TMEM232: variants seen among roughly 807,000 people sequenced by gnomAD.
TMEM232 encodes the protein transmembrane protein 232.
In TMEM232, 80 loss-of-function variants were observed where a neutral mutation model predicts 78.8. The observed-to-expected ratio is 1.01, with a 90% CI of 0.85 to 1.22. The LOEUF is 1.22. Ranked by LOEUF, TMEM232 falls within the 50% of genes most tolerant of loss-of-function variation. TMEM232 has a pLI of 0.00. For missense variants in TMEM232, 881 were observed against 742.2 expected, an observed-to-expected ratio of 1.19 and a Z score of -2.17; for synonymous variants, 297 against 254.3, an observed-to-expected ratio of 1.17 and a Z score of -1.60.
At chr5:110,460,020 G>C (rs1236999814) in intron 12 of TMEM232, among the ~76,000 whole-genome samples, 1 of 152,100 alleles carries the variant, frequency 6.6e-6, no homozygotes, top group Admixed American at 6.6e-5. Flanking sequence ...TGAGACAAAG[G>C]TGACATGACA....
chr5:110,736,525 T>G (rs1411396825), intron 1 of TMEM232, among the ~76,000 whole-genome samples: 10 of 152,204 alleles, frequency 6.6e-5, no homozygotes. Context: ...TGTACATGTT[T>G]TAAATTGAAC....
At chr5:110,587,681 ATATATATATATGTGTGTGTGTGTG>A (rs761375379) in intron 10 of TMEM232, among the ~76,000 whole-genome samples, 8,246 of 105,592 alleles carry the variant, frequency 0.078, 376 homozygotes, top group South Asian at 0.21. Context: ...ATATATATAT[ATATATATATATGTGTGTGTGTGTG>A]TGTGTGTGTG....
intron 8 of TMEM232, among the ~76,000 whole-genome samples, chr5:110,614,133 T>C (rs748682759): frequency 1.4e-4 from 21 of 152,120 alleles, no homozygotes; most frequent in Non-Finnish European, 2.6e-4. Context: ...TGAGCAGTCA[T>C]TGTATTTTTC....
intron 1 of TMEM232, among the ~76,000 whole-genome samples, chr5:110,687,235 T>C (rs1793528820): frequency 6.6e-6 from 1 of 152,180 alleles, no homozygotes; most frequent in Non-Finnish European, 1.5e-5. Context: ...CACTTTATGT[T>C]ATTTTAATGT....
At chr5:110,607,163 T>C (rs1330279599) in intron 8 of TMEM232, among the ~76,000 whole-genome samples, 1 of 152,008 alleles carries the variant, frequency 6.6e-6, no homozygotes, top group Admixed American at 6.6e-5. Context: ...TTTACAGAGG[T>C]CAATGTGCTT....
At chr5:110,659,690 G>A (rs148622946) in intron 2 of TMEM232, among the ~76,000 whole-genome samples, 2,063 of 152,142 alleles carry the variant, frequency 0.014, 20 homozygotes, top group Middle Eastern at 0.038. Context: ...CCCACCACAT[G>A]CTTAAAAAGA....
At chr5:110,729,305 G>T (rs1439253030), upstream of TMEM232, among the ~76,000 whole-genome samples, 1 of 152,098 alleles carries the variant, frequency 6.6e-6, no homozygotes, top group Non-Finnish European at 1.5e-5. Flanking sequence ...CTCTTCCTCT[G>T]TCTGAAAATA....
At chr5:110,492,351 A>T (rs1480719045) in intron 12 of TMEM232, among the ~76,000 whole-genome samples, 1 of 152,024 alleles carries the variant, frequency 6.6e-6, no homozygotes, top group Admixed American at 6.6e-5. Context: ...ACAATTAGGA[A>T]AATAAAACAT....
At chr5:110,409,924 C>A (rs1755927234) in intron 2 of TMEM232, among the ~76,000 whole-genome samples, 1 of 152,218 alleles carries the variant, frequency 6.6e-6, no homozygotes, top group Non-Finnish European at 1.5e-5. Flanking sequence ...ACACGCCTAA[C>A]TAAAGCCCCA....
At position 110,733,685 on chromosome 5, in the gene TMEM232, G is replaced by A. The variant is rs534793815; in HGVS notation, c.-13+1218C>T. Among the ~76,000 whole-genome samples, 17 of 152,262 alleles carry A rather than the reference G, an allele frequency of 1.1e-4. 1 individual carries two copies. Among genetic ancestry groups the A allele is most frequent in the Admixed American group, 9.1e-4 (14 of 15,302 alleles). On this transcript the variant is annotated intron_variant, in intron 2 of 4. Transcript: ENST00000512886. Reference sequence around the variant, plus strand: ...CAACAGACACTGGGGCCTACTTGAGGGTGAAGGGTGGGAGGAGAGAGAGGA... The same window carrying A: ...CAACAGACACTGGGGCCTACTTGAGAGTGAAGGGTGGGAGGAGAGAGAGGA...
chr5:110,597,326 AAGG>A (rs1480217161), intron 10 of TMEM232, among the ~76,000 whole-genome samples: 9 of 152,174 alleles, frequency 5.9e-5, no homozygotes, highest in African/African-American at 2.2e-4. Context: ...GGACCTCTTC[AAGG>A]AGAACTACAA....
intron 12 of TMEM232, among the ~76,000 whole-genome samples, chr5:110,499,876 C>G (rs78776268): frequency 0.037 from 5,572 of 152,202 alleles, 293 homozygotes; most frequent in East Asian, 0.24. Flanking sequence ...TTTAATTATA[C>G]TATCAACTAC....
upstream of TMEM232, among the ~76,000 whole-genome samples, chr5:110,730,117 T>A (rs1446277985): frequency 6.6e-6 from 1 of 152,236 alleles, no homozygotes; most frequent in Non-Finnish European, 1.5e-5. Flanking sequence ...ATATGCATTA[T>A]ATTTTCTTCA....
At chr5:110,447,880 C>T (rs1488600) in intron 12 of TMEM232, among the ~76,000 whole-genome samples, 32,434 of 151,628 alleles carry the variant, frequency 0.21, 7,241 homozygotes, top group African/African-American at 0.56. Context: ...AAAGTGAAAA[C>T]GAAGAGAGGG....
At chr5:110,729,714 T>A (rs1479366019), upstream of TMEM232, among the ~76,000 whole-genome samples, 1 of 152,212 alleles carries the variant, frequency 6.6e-6, no homozygotes, top group African/African-American at 2.4e-5. Context: ...CAGATTTTCC[T>A]GCCAAAAGAC....
At chr5:110,463,610 T>C (rs894402926) in intron 12 of TMEM232, among the ~76,000 whole-genome samples, 4 of 152,218 alleles carry the variant, frequency 2.6e-5, no homozygotes, top group African/African-American at 7.2e-5. Flanking sequence ...TCTTTTCTCA[T>C]TCAAAACCAT....
intron 3 of TMEM232, among the ~76,000 whole-genome samples, chr5:110,641,546 C>A (rs1786723751): frequency 6.6e-6 from 1 of 152,140 alleles, no homozygotes; most frequent in Non-Finnish European, 1.5e-5. Context: ...TGTCTGCATA[C>A]ACACTTATCA....
At chr5:110,612,246 A>G (rs902091814) in intron 8 of TMEM232, among the ~76,000 whole-genome samples, 1 of 152,172 alleles carries the variant, frequency 6.6e-6, no homozygotes, top group Non-Finnish European at 1.5e-5. Context: ...CAAGACTAAA[A>G]TTCATGTCTT....
intron 3 of TMEM232, among the ~76,000 whole-genome samples, chr5:110,394,351 T>G (rs770985513): frequency 1.3e-5 from 2 of 152,232 alleles, no homozygotes; most frequent in African/African-American, 4.8e-5. Flanking sequence ...TGAAATCATC[T>G]GTTGTTGACC....
Sources: gnomAD v4.1 joint callset for allele counts (sites outside exome capture counted in the v4.1 genomes callset) on GRCh38, gnomAD v4.1.1 for gene constraint, MANE v1.5 for transcripts, NCBI Gene and HGNC (gene_info 2026-07-23, HGNC 2026-07-21) for gene names.